Variants in STAU2 observed in about 807,000 individuals in gnomAD.
The protein encoded by STAU2 is double-stranded RNA-binding protein Staufen homolog 2.
A neutral mutation model predicts 65.9 loss-of-function variants in STAU2; 20 were observed. The ratio of observed to expected loss-of-function variants is 0.30; its 90% CI spans 0.21 to 0.44. The LOEUF (loss-of-function observed/expected upper bound fraction) is 0.44. STAU2 is among the 20% of genes least tolerant of loss of function. STAU2 has a pLI of 1.00. For missense variants in STAU2, 558 were observed against 683.9 expected, an observed-to-expected ratio of 0.82 and a Z score of 2.05; for synonymous variants, 232 against 233.9, an observed-to-expected ratio of 0.99 and a Z score of 0.07.
At chr8:73,593,954 T>C (rs148022793) in intron 11 of STAU2, among the ~76,000 whole-genome samples, 2,717 of 152,178 alleles carry the variant, frequency 0.018, 49 homozygotes, top group Non-Finnish European at 0.03. Flanking sequence ...ACAGTGGTTA[T>C]GCAAAAAATG....
intron 13 of STAU2, among the ~76,000 whole-genome samples, chr8:73,541,415 A>G (rs570414285): frequency 5.8e-4 from 88 of 152,210 alleles, no homozygotes; most frequent in Non-Finnish European, 1.1e-3. Context: ...TGGAGAAGAT[A>G]AAGCTTGCAG....
Position 73,613,852 on chromosome 8 carries a change from C to T in STAU2, c.783G>A (p.Lys261=). 5 of 1,613,624 alleles carry T rather than the reference C, an allele frequency of 3.1e-6. No individual in the cohort carries two copies. The highest frequency in any genetic ancestry group is 3.4e-6 in the Non-Finnish European group (4 of 1,179,826). ...GTAAGACGGTGGTCGCAGCGCGCTTCTTGGAGAGTTTTTTGCTATTTCCTT... is the reference window on the plus strand; with the variant it reads ...GTAAGACGGTGGTCGCAGCGCGCTTTTTGGAGAGTTTTTTGCTATTTCCTT... ...EGEGNSKKLS[K]KRAATTVLQE... The change falls in exon 9 of 15, where the codon AAG becomes AAA. Residue 261 remains lysine, a synonymous_variant. Transcript: ENST00000524300.
chr8:73,704,627 C>T (rs1052316787), intron 4 of STAU2, among the ~76,000 whole-genome samples: 9 of 151,984 alleles, frequency 5.9e-5, no homozygotes, highest in East Asian at 1.9e-4. Flanking sequence ...AAATATTCAA[C>T]GTTGGTATCT....
At chr8:73,426,730 T>C (rs1816851724) in intron 13 of STAU2, among the ~76,000 whole-genome samples, 1 of 152,160 alleles carries the variant, frequency 6.6e-6, no homozygotes, top group African/African-American at 2.4e-5. Flanking sequence ...TTTCATTGAA[T>C]GTGTGCAGTA....
At chr8:73,450,120 C>T (rs1005326992) in intron 13 of STAU2, among the ~76,000 whole-genome samples, 7 of 152,280 alleles carry the variant, frequency 4.6e-5, no homozygotes, top group Middle Eastern at 3.4e-3. Flanking sequence ...TGAATTTAGA[C>T]ATTTTAAAAT....
At chr8:73,499,349 C>T (rs1311342411) in intron 13 of STAU2, among the ~76,000 whole-genome samples, 2 of 151,830 alleles carry the variant, frequency 1.3e-5, no homozygotes, top group East Asian at 3.9e-4. Context: ...TAGTGCAATA[C>T]TTGAAAGTGG....
chr8:73,504,150 C>T (rs1821918077), intron 13 of STAU2, among the ~76,000 whole-genome samples: 2 of 152,072 alleles, frequency 1.3e-5, no homozygotes, highest in Admixed American at 1.3e-4. Flanking sequence ...TCAGTAGGAC[C>T]TCCAGAAACT....
intron 6 of STAU2, chr8:73,670,343 A>C (rs1194437650): frequency 6.6e-6 from 1 of 152,040 alleles, no homozygotes; most frequent in Admixed American, 6.6e-5. Flanking sequence ...TAGCAAGGGG[A>C]AGATAGTAGA....
At position 73,556,877 on chromosome 8, in the gene STAU2, T is replaced by C. The variant is rs117538263; in HGVS notation, c.1223-4558A>G. The stretch of plus-strand genomic sequence containing the variant: ...TTTGGTGAGATGAAAATGTCAAGAC[T>C]GATTAAACTGTAGACATTATGTGCA... On this transcript the variant is annotated intron_variant, in intron 12 of 14. Transcript: ENST00000524300. Among the ~76,000 whole-genome samples, 961 of 152,332 alleles carry C rather than the reference T, an allele frequency of 6.3e-3. 7 individuals are homozygous for C. Among genetic ancestry groups the C allele is most frequent in the Non-Finnish European group, 0.01 (704 of 68,022 alleles).
chr8:73,441,723 C>T (rs1007899811), intron 13 of STAU2, among the ~76,000 whole-genome samples: 12 of 152,140 alleles, frequency 7.9e-5, no homozygotes, highest in Admixed American at 6.6e-4. Context: ...CAGATTATTT[C>T]GCCCGTTTAT....
At position 73,736,951 on chromosome 8, in the gene STAU2, G is replaced by T. The variant is rs375196183; in HGVS notation, c.-18+1333C>A. On this transcript the variant is annotated intron_variant, in intron 3 of 14. Coordinates refer to ENST00000524300, the MANE Select transcript of STAU2 (RefSeq NM_001164380.2). ...GTGATCTCAGCTCACTGCAACCTCC[G>T]TCTGCTGGGTTCAAGCAACTCTTCT... Among the ~76,000 whole-genome samples the T allele has an allele frequency of 4.6e-5, 7 of 152,282 alleles. No individual in the cohort carries two copies. The East Asian group carries it at 1.4e-3, about 29-fold the overall frequency.
At chr8:73,743,396 G>A (rs1055272729) in intron 1 of STAU2, among the ~76,000 whole-genome samples, 5 of 151,788 alleles carry the variant, frequency 3.3e-5, no homozygotes, top group African/African-American at 9.7e-5. Context: ...GGTTTAGAAC[G>A]GTTCATTCTG....
intron 6 of STAU2, among the ~76,000 whole-genome samples, chr8:73,668,549 T>A (rs7825455): frequency 1.3e-5 from 2 of 152,174 alleles, no homozygotes; most frequent in African/African-American, 2.4e-5. Flanking sequence ...CTAATGTACA[T>A]AATTTTTATA....
chr8:73,552,104 T>C lies in STAU2; in HGVS notation c.1438A>G (p.Ile480Val). The change falls in exon 13 of 15, where the codon ATA becomes GTA. Residue 480 changes from isoleucine to valine, a missense_variant. By Grantham distance (29) the Ile-to-Val change is conservative. Around this residue, in one of 3 missense-constraint regions of STAU2, gnomAD observed 247 missense variants for 270.1 expected, o/e 0.91. Coordinates refer to ENST00000524300, the MANE Select transcript of STAU2 (RefSeq NM_001164380.2). Reference sequence around the variant, plus strand: ...GTAGGAGAACTTCCTTTTAAACCTATGGCTTCAGCTGTAGAAGATGTTCCA... The same window carrying C: ...GTAGGAGAACTTCCTTTTAAACCTACGGCTTCAGCTGTAGAAGATGTTCCA... ...MNGTSSTAEA[I>V]GLKGSSPTPP... 5 of 1,613,752 alleles carry C rather than the reference T, an allele frequency of 3.1e-6. No individual in the cohort carries two copies. Among genetic ancestry groups the C allele is most frequent in the African/African-American group, 1.3e-5 (1 of 75,042 alleles).
intron 6 of STAU2, among the ~76,000 whole-genome samples, chr8:73,625,773 T>C (rs1018255062): frequency 1.3e-5 from 2 of 152,148 alleles, no homozygotes; most frequent in Non-Finnish European, 2.9e-5. Flanking sequence ...CTATTTTGTT[T>C]CTCACTGACA....
chr8:73,450,761 G>C (rs780597244), intron 13 of STAU2, among the ~76,000 whole-genome samples: 3 of 152,148 alleles, frequency 2.0e-5, no homozygotes, highest in African/African-American at 7.2e-5. Flanking sequence ...GCAAAACCAG[G>C]AGAAGGCTGG....
intron 13 of STAU2, among the ~76,000 whole-genome samples, chr8:73,475,865 T>G (rs1490136733): frequency 2.0e-5 from 3 of 152,218 alleles, no homozygotes; most frequent in Non-Finnish European, 4.4e-5. Flanking sequence ...CATTCTAGCT[T>G]TCTGGCTTCC....
intron 13 of STAU2, among the ~76,000 whole-genome samples, chr8:73,480,674 T>C (rs1008142689): frequency 7.2e-5 from 11 of 152,154 alleles, no homozygotes; most frequent in African/African-American, 2.7e-4. Flanking sequence ...TGTGAGAGAC[T>C]GTAATTGCAA....
chr8:73,708,942 C>T, intron 4 of STAU2, 90 bp downstream of exon 4: 1 of 1,288,854 alleles, frequency 7.8e-7, no homozygotes, highest in Non-Finnish European at 1.0e-6. Context: ...GCTGAACCCC[C>T]ACTCCCCAAA....
Sources: allele counts gnomAD v4.1 joint callset (sites outside exome capture counted in the v4.1 genomes callset), GRCh38; gene constraint gnomAD v4.1.1; regional missense constraint gnomAD v4.1.1; transcripts MANE v1.5; gene names NCBI Gene and HGNC (gene_info 2026-07-23, HGNC 2026-07-21).